MYO1E: variants seen among roughly 807,000 people sequenced by gnomAD.
MYO1E encodes the protein myosin IE, also known as unconventional myosin-Ie.
Under a neutral mutation model 151.1 loss-of-function variants are expected in MYO1E, and 68 were observed. The ratio of observed to expected loss-of-function variants is 0.45; its 90% CI spans 0.37 to 0.55. MYO1E has a LOEUF of 0.55. MYO1E is among the 20% of genes least tolerant of loss of function. The probability of loss-of-function intolerance (pLI) is 0.00; values close to 1 mark genes in which losing one functional copy is unlikely to be tolerated. For synonymous variants in MYO1E, 601 were observed against 501.7 expected, an observed-to-expected ratio of 1.20 and a Z score of -2.64; for missense variants, 1,363 against 1,389.3, an observed-to-expected ratio of 0.98 and a Z score of 0.30.
chr15:59,274,938 G>C lies in MYO1E; in HGVS notation c.4-2489C>G, dbSNP rs12594481. 3.3e-5 allele frequency among the ~76,000 whole-genome samples: 5 copies of C among 152,064 alleles called. No individual in the cohort carries two copies. In the East Asian group the frequency reaches 9.7e-4, roughly 29 times the overall value. On this transcript the variant is annotated intron_variant, in intron 1 of 27. Transcript: ENST00000288235. Reference sequence around the variant, plus strand: ...AAGAGGACTCATTTTCCAGTCTGCTGTCTATATAACAAGGTGACAGTGGTT... The same window carrying C: ...AAGAGGACTCATTTTCCAGTCTGCTCTCTATATAACAAGGTGACAGTGGTT...
At chr15:59,330,130 G>A (rs533104178) in intron 1 of MYO1E, among the ~76,000 whole-genome samples, 6 of 152,132 alleles carry the variant, frequency 3.9e-5, no homozygotes, top group South Asian at 2.1e-4. Flanking sequence ...CCAGAGTCTG[G>A]GGCCACGGTC....
chr15:59,195,633 A>C lies in MYO1E; in HGVS notation c.1699-66T>G, dbSNP rs551293111. On this transcript the variant is annotated intron_variant, in intron 16 of 27. Transcript: ENST00000288235. ...TAAAGAAGACCAAATTTCAAAGGAG[A>C]CTTGTAAAACTCTCTTGTAGAAATA... The C allele has an allele frequency of 4.5e-6, 6 of 1,340,416 alleles. No individual in the cohort carries two copies. The African/African-American group carries it at 5.8e-5, about 13-fold the overall frequency. 83.0% of individuals were successfully genotyped at this position (1,340,416 alleles called of 1,614,324 possible).
chr15:59,189,955 A>G (rs1272104331), intron 17 of MYO1E, among the ~76,000 whole-genome samples: 2 of 152,156 alleles, frequency 1.3e-5, no homozygotes, highest in Non-Finnish European at 2.9e-5. Context: ...CATGCCCCAC[A>G]CCTTGGGGAT....
At chr15:59,163,056 C>T in intron 23 of MYO1E, 101 bp downstream of exon 23, 2 of 1,386,282 alleles carry the variant, frequency 1.4e-6, no homozygotes, top group Non-Finnish European at 2.0e-6. Context: ...CCCCACTCTT[C>T]TCCTCGCAGG....
chr15:59,198,653 T>C (rs2079782415), intron 16 of MYO1E, among the ~76,000 whole-genome samples: 1 of 151,362 alleles, frequency 6.6e-6, no homozygotes. Flanking sequence ...TCGTCTCTAC[T>C]AAAAAAAATA....
In MYO1E at chr15:59,332,900, G is replaced by C. The variant is rs568686940; in HGVS notation, c.3+39598C>G. On this transcript the variant is annotated intron_variant, in intron 1 of 27. Transcript: ENST00000288235. ...TGGATGCAGCCAATTTCTTTGTCAA[G>C]ATTGGCTCCATGCTGTTATTTAATC... Among the ~76,000 whole-genome samples, 16 of 152,210 alleles carry C rather than the reference G, an allele frequency of 1.1e-4. 2 individuals are homozygous for C. In the South Asian group the frequency reaches 3.3e-3, roughly 32 times the overall value.
Position 59,163,280 on chromosome 15 carries a change from A to G in MYO1E, c.2504T>C (p.Ile835Thr), listed in dbSNP as rs533684267. 9 of 1,613,806 alleles carry G rather than the reference A, an allele frequency of 5.6e-6. No homozygotes were observed. Among genetic ancestry groups the G allele is most frequent in the Non-Finnish European group, 7.6e-6 (9 of 1,179,812 alleles). The stretch of plus-strand genomic sequence containing the variant: ...ACTGTCATACTCTTGCTCATGGAGA[A>G]TAAAAATGTCATCCTGCATAGTACT... The part of the protein sequence containing the change: ...SLSTMQDDIF[I>T]LHEQEYDSLL... Residue 835 changes from isoleucine to threonine, a missense_variant, in exon 23 of 28, where the codon ATT (isoleucine) becomes ACT (threonine). Coordinates refer to ENST00000288235, the MANE Select transcript of MYO1E (RefSeq NM_004998.4).
chr15:59,246,619 C>A (rs1019193517), intron 4 of MYO1E, among the ~76,000 whole-genome samples: 2 of 152,142 alleles, frequency 1.3e-5, no homozygotes, highest in Admixed American at 1.3e-4. Context: ...CTCTTTTCTA[C>A]CAATAACCTT....
chr15:59,372,464 T>G, intron 1 of MYO1E, 34 bp downstream of exon 1: 1 of 1,537,288 alleles, frequency 6.5e-7, no homozygotes, highest in Non-Finnish European at 8.7e-7. Flanking sequence ...CGTCCCCGGG[T>G]CCGGCGTCCT....
At chr15:59,185,711 AAAAT>A (rs2079692030) in intron 18 of MYO1E, among the ~76,000 whole-genome samples, 1 of 152,238 alleles carries the variant, frequency 6.6e-6, no homozygotes, top group African/African-American at 2.4e-5. Context: ...CCTTATCTCT[AAAAT>A]AAATAAATAA....
rs200710336 is a variant in MYO1E at position 59,158,268 on chromosome 15, C to G, written c.2878+19G>C. On this transcript the variant is annotated intron_variant, in intron 25 of 27. Transcript: ENST00000288235. ...GTCCAGATTTAGTGGTCCCAGACTACGGTACGTAGCTGGCTTACCTGGGGG... is the reference window on the plus strand; with the variant it reads ...GTCCAGATTTAGTGGTCCCAGACTAGGGTACGTAGCTGGCTTACCTGGGGG... 2.0e-6 allele frequency: 3 copies of G among 1,530,912 alleles called. No homozygotes were observed. In the East Asian group the frequency reaches 7.2e-5, roughly 37 times the overall value. The allele number at this position is 1,530,912 out of a possible 1,614,324, so 94.8% of individuals were successfully genotyped here. A position where few individuals can be genotyped will look rare whatever the true frequency, so the allele number is the denominator to read the frequency against.
intron 9 of MYO1E, among the ~76,000 whole-genome samples, chr15:59,220,669 G>T (rs2079948884): frequency 6.6e-6 from 1 of 151,904 alleles, no homozygotes; most frequent in African/African-American, 2.4e-5. Context: ...TGAGAAAGAT[G>T]ATAGAAACCA....
intron 2 of MYO1E, among the ~76,000 whole-genome samples, chr15:59,266,417 A>C (rs1210098405): frequency 6.6e-6 from 1 of 152,220 alleles, no homozygotes; most frequent in Non-Finnish European, 1.5e-5. Flanking sequence ...GAAACCCAAG[A>C]TATCTTTAAC....
chr15:59,137,794 A>G (rs561797273), intron 27 of MYO1E, among the ~76,000 whole-genome samples: 1 of 152,352 alleles, frequency 6.6e-6, no homozygotes, highest in African/African-American at 2.4e-5. Context: ...CTCAGGGTAC[A>G]GCCTTTGTCT....
At chr15:59,282,272 C>T (rs2200294) in intron 1 of MYO1E, among the ~76,000 whole-genome samples, 2 of 152,166 alleles carry the variant, frequency 1.3e-5, no homozygotes. Context: ...TGTTTGTGTT[C>T]TGAATTCCCT....
intron 1 of MYO1E, among the ~76,000 whole-genome samples, chr15:59,290,609 T>C (rs563766150): frequency 3.5e-4 from 54 of 152,318 alleles, no homozygotes; most frequent in Non-Finnish European, 2.2e-4. Flanking sequence ...GCAGAGGTAA[T>C]AGACTGTGAC....
chr15:59,272,327 T>C lies in MYO1E; in HGVS notation c.126A>G (p.Arg42=), dbSNP rs765667289. 1.2e-6 allele frequency: 2 copies of C among 1,614,014 alleles called. No individual in the cohort carries two copies. The highest frequency in any genetic ancestry group is 2.7e-5 in the African/African-American group (2 of 74,930). ...ATACAAAAATGTAGTCATCCATGTA[T>C]CTCTTCTTCAGATTCTCCACGATGG... ...ENSIVENLKK[R]YMDDYIFTYI... The change falls in exon 2 of 28, where the codon AGA becomes AGG. Residue 42 remains arginine, a synonymous_variant. Transcript: ENST00000288235.
rs1445411416 is a variant in MYO1E, at chr15:59,205,481, G to A, written c.1535C>T (p.Ser512Phe). Reference sequence around the variant, plus strand: ...TTCACAAAAGCCATCCATGTCATAGGATACCTGGCCAAGAATGGAAAGAAA... The same window carrying A: ...TTCACAAAAGCCATCCATGTCATAGAATACCTGGCCAAGAATGGAAAGAAA... ...FIIHHYAGKV[S>F]YDMDGFCERN... is the part of the protein sequence containing the mutation. Residue 512 changes from serine to phenylalanine, a missense_variant, in exon 15 of 28, where the codon TCC (serine) becomes TTC (phenylalanine). Physicochemically the swap from Ser to Phe is radical, Grantham distance 155. Transcript: ENST00000288235. 6 of 1,601,950 alleles carry A rather than the reference G, an allele frequency of 3.7e-6. No individual in the cohort carries two copies. The highest frequency in any genetic ancestry group is 5.1e-6 in the Non-Finnish European group (6 of 1,172,888).
In MYO1E at chr15:59,208,626, A is replaced by G. The variant is rs1026940905; in HGVS notation, c.1530+55T>C. On this transcript the variant is annotated intron_variant, in intron 14 of 27. Transcript: ENST00000288235. ...TATGATTTGCTTCATGAGAAACCAG[A>G]TCACAAACCCAAAGGCTTAAAACAG... The G allele has an allele frequency of 6.2e-5, 100 of 1,602,726 alleles. No homozygotes were observed. The South Asian group carries it at 9.0e-4, about 14-fold the overall frequency.
Sources: gnomAD v4.1 joint callset for allele counts (sites outside exome capture counted in the v4.1 genomes callset) on GRCh38, gnomAD v4.1.1 for gene constraint, MANE v1.5 for transcripts, NCBI Gene and HGNC (gene_info 2026-07-23, HGNC 2026-07-21) for gene names.